Variants in ERC2 observed in about 807,000 individuals in gnomAD.
The protein encoded by ERC2 is ERC protein 2.
In ERC2, 42 loss-of-function variants were observed where a neutral mutation model predicts 114.8. That is an observed-to-expected ratio of 0.37 (90% CI 0.29 to 0.47). The LOEUF is 0.47. Ranked by LOEUF, ERC2 falls within the 20% of genes least tolerant of loss-of-function variation. ERC2 has a pLI of 0.99. For missense variants in ERC2, 939 were observed against 1,150.7 expected (o/e 0.82, Z 2.66); for synonymous variants, 454 against 425.5 (o/e 1.07, Z -0.82).
chr3:55,579,022 C>T (rs2057126381), intron 17 of ERC2, among the ~76,000 whole-genome samples: 1 of 152,132 alleles, frequency 6.6e-6, no homozygotes, highest in Non-Finnish European at 1.5e-5. Flanking sequence ...GTCATTTCTA[C>T]TACATTCTGT....
At chr3:56,180,220 A>C (rs1393307078) in intron 3 of ERC2, among the ~76,000 whole-genome samples, 1 of 152,172 alleles carries the variant, frequency 6.6e-6, no homozygotes, top group Non-Finnish European at 1.5e-5. Flanking sequence ...CATCTAGAGC[A>C]GTTTGGGGGA....
intron 2 of ERC2, among the ~76,000 whole-genome samples, chr3:56,383,265 A>G (rs2059818090): frequency 1.3e-5 from 2 of 152,084 alleles, no homozygotes; most frequent in African/African-American, 4.8e-5. Context: ...TCGCCCTTCT[A>G]TTCAAAAAAC....
At chr3:55,841,291 ATCTTTCCTATGCTGT>A (rs971755155) in intron 14 of ERC2, among the ~76,000 whole-genome samples, 8 of 152,022 alleles carry the variant, frequency 5.3e-5, no homozygotes. Context: ...ATGGGGGTGG[ATCTTTCCTATGCTGT>A]TCTCATGACA....
chr3:56,126,660 C>T (rs1384650489), intron 6 of ERC2, among the ~76,000 whole-genome samples: 1 of 151,690 alleles, frequency 6.6e-6, no homozygotes, highest in Non-Finnish European at 1.5e-5. Flanking sequence ...GAGGCTGAGG[C>T]AGGAGGATTG....
rs541270562 is a variant in ERC2 at position 56,290,084 on chromosome 3, G to A, written c.1074+5935C>T. Among the ~76,000 whole-genome samples, 33 of 152,162 alleles carry A rather than the reference G, an allele frequency of 2.2e-4. 1 individual carries two copies. In the South Asian group the frequency reaches 6.9e-3, roughly 32 times the overall value. ...GATACTCCCACAGCATCCTCCATAGGGATGCTCAACATATGCCCAATGATG... is the reference window on the plus strand; with the variant it reads ...GATACTCCCACAGCATCCTCCATAGAGATGCTCAACATATGCCCAATGATG... On this transcript the variant is annotated intron_variant, in intron 3 of 17. Transcript: ENST00000288221.
At chr3:56,220,166 T>C (rs1207783703) in intron 3 of ERC2, among the ~76,000 whole-genome samples, 1 of 152,194 alleles carries the variant, frequency 6.6e-6, no homozygotes, top group Non-Finnish European at 1.5e-5. Context: ...TATAGGGCTT[T>C]ATGCAGATAA....
intron 2 of ERC2, among the ~76,000 whole-genome samples, chr3:56,374,065 C>G (rs1178232431): frequency 6.6e-6 from 1 of 151,992 alleles, no homozygotes; most frequent in Admixed American, 6.6e-5. Flanking sequence ...ATGCCCACCC[C>G]TATGCACAGA....
At position 55,510,932 on chromosome 3, in the gene ERC2, A is replaced by C. The variant is rs1257428008; in HGVS notation, c.*384T>G. On this transcript the variant is annotated 3_prime_UTR_variant, in exon 18 of 18. Transcript: ENST00000288221. ...AATCCCATGGAGTTCAAATTTATCCAATGATGTTTAAGTAACATAAACAAA... is the reference window on the plus strand; with the variant it reads ...AATCCCATGGAGTTCAAATTTATCCCATGATGTTTAAGTAACATAAACAAA... The C allele has an allele frequency of 6.6e-6, 1 of 152,234 alleles. No homozygotes were observed. The highest frequency in any genetic ancestry group is 2.4e-5 in the African/African-American group (1 of 41,460). The allele number at this position is 152,234 out of a possible 1,614,324, so 9.4% of individuals were successfully genotyped here.
chr3:55,719,535 T>G (rs2064325422), intron 15 of ERC2, among the ~76,000 whole-genome samples: 1 of 152,222 alleles, frequency 6.6e-6, no homozygotes, highest in Non-Finnish European at 1.5e-5. Context: ...ACTCCTAAAC[T>G]TGGGGCTAGC....
intron 12 of ERC2, among the ~76,000 whole-genome samples, chr3:55,969,796 T>C (rs976283343): frequency 4.6e-5 from 7 of 152,224 alleles, no homozygotes; most frequent in Admixed American, 4.6e-4. Flanking sequence ...GCTAAGAATA[T>C]TTATTAGCTT....
intron 1 of ERC2, among the ~76,000 whole-genome samples, chr3:56,457,868 A>C (rs1227950215): frequency 6.6e-6 from 1 of 152,126 alleles, no homozygotes; most frequent in Non-Finnish European, 1.5e-5. Flanking sequence ...TTTCTTCAGG[A>C]AGCCTTCCTT....
chr3:56,076,418 T>A (rs1353594659), intron 7 of ERC2, among the ~76,000 whole-genome samples: 1 of 144,154 alleles, frequency 6.9e-6, no homozygotes, highest in Admixed American at 6.8e-5. Context: ...AAATGTACAA[T>A]GTCATCAGGT....
intron 14 of ERC2, among the ~76,000 whole-genome samples, chr3:55,826,848 G>A (rs2060345039): frequency 6.6e-6 from 1 of 152,204 alleles, no homozygotes; most frequent in African/African-American, 2.4e-5. Flanking sequence ...GCTTTCAAAT[G>A]GAAGACTGGC....
intron 2 of ERC2, 135 bp downstream of exon 2, chr3:56,434,216 T>C (rs2061918222): frequency 1.4e-6 from 1 of 722,668 alleles, no homozygotes. Flanking sequence ...AGTGTCTAAG[T>C]CAAACACATA....
At chr3:55,566,823 T>C (rs1000988828) in intron 17 of ERC2, among the ~76,000 whole-genome samples, 44 of 152,214 alleles carry the variant, frequency 2.9e-4, no homozygotes, top group African/African-American at 1.0e-3. Flanking sequence ...CTTAGCCTCC[T>C]GAGCAGTTAG....
chr3:55,933,243 A>C (rs1014232081), intron 13 of ERC2, among the ~76,000 whole-genome samples: 31 of 152,012 alleles, frequency 2.0e-4, no homozygotes, highest in African/African-American at 7.0e-4. Flanking sequence ...AAAGAAAGTA[A>C]CCATGCCCAA....
intron 13 of ERC2, among the ~76,000 whole-genome samples, chr3:55,924,327 A>G (rs2065624325): frequency 1.3e-5 from 2 of 152,100 alleles, no homozygotes; most frequent in African/African-American, 4.8e-5. Context: ...TTTCCTATGA[A>G]AACAGCTACA....
At chr3:56,381,143 G>A (rs73075831) in intron 2 of ERC2, among the ~76,000 whole-genome samples, 4,547 of 152,202 alleles carry the variant, frequency 0.03, 137 homozygotes, top group African/African-American at 0.069. Context: ...TCATTATTCC[G>A]ATATTGGTCA....
At chr3:55,659,089 G>A (rs1185218642) in intron 17 of ERC2, 1 of 152,320 alleles carries the variant, frequency 6.6e-6, no homozygotes, top group Non-Finnish European at 1.5e-5. Context: ...TTTCATTAAG[G>A]GGTTGGGCTT....
Sources: gnomAD v4.1 joint callset for allele counts (sites outside exome capture counted in the v4.1 genomes callset) on GRCh38, gnomAD v4.1.1 for gene constraint, MANE v1.5 for transcripts, NCBI Gene and HGNC (gene_info 2026-07-23, HGNC 2026-07-21) for gene names.